Variants in HSF1 observed in about 807,000 individuals in gnomAD.
The protein encoded by HSF1 is heat shock factor protein 1.
Under a neutral mutation model 51.7 loss-of-function variants are expected in HSF1, and 32 were observed. The observed-to-expected ratio is 0.62, with a 90% CI of 0.47 to 0.83. The LOEUF is 0.83. HSF1 is among the 40% of genes least tolerant of loss of function. HSF1 has a pLI of 0.00. For synonymous variants in HSF1, 396 were observed against 309.7 expected, an observed-to-expected ratio of 1.28 and a Z score of -2.92; for missense variants, 727 against 717.0, an observed-to-expected ratio of 1.01 and a Z score of -0.16.
At position 144,314,338 on chromosome 8, in the gene HSF1, G is replaced by A. The variant is rs574270433; in HGVS notation, c.*8G>A. ...GACCCCACTGTCTCCTAGAGGCCCCGGAGGAGCTGGGCCAGCCGCCCACCC... is the reference window on the plus strand; with the variant it reads ...GACCCCACTGTCTCCTAGAGGCCCCAGAGGAGCTGGGCCAGCCGCCCACCC... On this transcript the variant is annotated 3_prime_UTR_variant, in exon 13 of 13. Transcript: ENST00000528838. The A allele has an allele frequency of 1.5e-5, 23 of 1,543,108 alleles. No homozygotes were observed. Among genetic ancestry groups the A allele is most frequent in the East Asian group, 2.5e-5 (1 of 40,682 alleles).
At chr8:144,302,720 G>A (rs1241751405) in intron 1 of HSF1, among the ~76,000 whole-genome samples, 1 of 151,742 alleles carries the variant, frequency 6.6e-6, no homozygotes, top group African/African-American at 2.4e-5. Context: ...TACGCGGGAG[G>A]CTGAGGTGGG....
At position 144,314,068 on chromosome 8, in the gene HSF1, C is replaced by CA; in HGVS notation, c.1384+15dup. The CA allele has an allele frequency of 1.9e-6, 3 of 1,605,740 alleles. No individual in the cohort carries two copies. The highest frequency in any genetic ancestry group is 2.5e-6 in the Non-Finnish European group (3 of 1,177,110). Reference sequence around the variant, plus strand: ...GCCCGGATTCAGGTGAGCCAAGTCCCACCGGCCCCACCTCTGCCCCCAACC... The same window carrying CA: ...GCCCGGATTCAGGTGAGCCAAGTCCCAACCGGCCCCACCTCTGCCCCCAACC... On this transcript the variant is annotated intron_variant, in intron 12 of 12. Transcript: ENST00000528838.
chr8:144,301,427 TG>T (rs1257792976), intron 1 of HSF1, among the ~76,000 whole-genome samples: 1 of 151,660 alleles, frequency 6.6e-6, no homozygotes, highest in East Asian at 1.9e-4. Context: ...AAAAAAATTA[TG>T]GCCAAAATTT....
intron 11 of HSF1, 30 bp from the exon 12 acceptor site, chr8:144,313,955 A>AGT (rs1319699771): frequency 7.5e-6 from 12 of 1,609,788 alleles, no homozygotes; most frequent in Non-Finnish European, 1.0e-5. Context: ...GACCAGCGGG[A>AGT]GTGCTCACAA....
intron 1 of HSF1, among the ~76,000 whole-genome samples, chr8:144,295,154 A>G (rs1554841095): frequency 6.6e-6 from 1 of 152,174 alleles, no homozygotes; most frequent in East Asian, 1.9e-4. Context: ...TCCTCTGTCC[A>G]CCAGCAGAGG....
In HSF1 at chr8:144,313,975, C is replaced by A. The variant is rs782562836; in HGVS notation, c.1315-10C>A. 5 of 1,611,068 alleles carry A rather than the reference C, an allele frequency of 3.1e-6. No homozygotes were observed. The highest frequency in any genetic ancestry group is 4.2e-6 in the Non-Finnish European group (5 of 1,179,416). On this transcript the variant is annotated splice_polypyrimidine_tract_variant and intron_variant, in intron 11 of 12. Coordinates refer to ENST00000528838, the MANE Select transcript of HSF1 (RefSeq NM_005526.4). ...GCGGGAGTGCTCACAATACCGTCTC[C>A]ACCCCACAGATCCAAGAGCTCCTGT...
rs186977343 is a variant in HSF1, at chr8:144,314,669, G to C, written c.*339G>C. 3.1e-6 allele frequency: 1 copy of C among 319,714 alleles called. No homozygotes were observed. Among genetic ancestry groups the C allele is most frequent in the Non-Finnish European group, 5.9e-6 (1 of 168,720 alleles). 19.8% of individuals were successfully genotyped at this position (319,714 alleles called of 1,614,324 possible). ...AGAGATACACAGATATATACACACA[G>C]TGGATGGACGGACAAGACAGGCAGA... On this transcript the variant is annotated 3_prime_UTR_variant, in exon 13 of 13. Coordinates refer to ENST00000528838, the MANE Select transcript of HSF1 (RefSeq NM_005526.4).
At chr8:144,304,118 C>T (rs1252145540) in intron 1 of HSF1, among the ~76,000 whole-genome samples, 2 of 139,620 alleles carry the variant, frequency 1.4e-5, no homozygotes, top group African/African-American at 2.7e-5. Flanking sequence ...CCCATGAGAT[C>T]CAGGAAACCT....
intron 1 of HSF1, chr8:144,292,615 G>C (rs1554840573): frequency 1.3e-5 from 2 of 152,256 alleles, no homozygotes; most frequent in Non-Finnish European, 2.9e-5. Flanking sequence ...GTGACGTCGT[G>C]TCCGGTGAGG....
intron 3 of HSF1, 90 bp from the exon 4 acceptor site, chr8:144,309,682 C>T (rs557457571): frequency 1.9e-6 from 3 of 1,598,790 alleles, no homozygotes; most frequent in East Asian, 4.5e-5. Flanking sequence ...CAGCCTGCCC[C>T]TTCCTGAGGG....
chr8:144,306,768 G>A (rs1267977496), intron 1 of HSF1, among the ~76,000 whole-genome samples: 1 of 152,220 alleles, frequency 6.6e-6, no homozygotes, highest in Non-Finnish European at 1.5e-5. Flanking sequence ...TATCTGTCAG[G>A]TAGCTTTTCG....
Position 144,297,475 on chromosome 8 carries a change from G to A in HSF1, c.117+5601G>A, listed in dbSNP as rs1393151952. On this transcript the variant is annotated intron_variant, in intron 1 of 12. Coordinates refer to ENST00000528838, the MANE Select transcript of HSF1 (RefSeq NM_005526.4). The surrounding 1 kb of genome is among the most constrained non-coding windows in gnomAD (Gnocchi z 4.6). ...AACACGCTGGAAGCTCCTCCAGAGC[G>A]GAAACAAGAAGAGTGTTTATGAGAA... Among the ~76,000 whole-genome samples, 1 of 152,184 alleles carries A rather than the reference G, an allele frequency of 6.6e-6. No individual in the cohort carries two copies. The highest frequency in any genetic ancestry group is 1.5e-5 in the Non-Finnish European group (1 of 68,036).
intron 4 of HSF1, 112 bp downstream of exon 4, chr8:144,310,008 C>T (rs985753496): frequency 7.7e-7 from 1 of 1,295,116 alleles, no homozygotes; most frequent in East Asian, 2.4e-5. Context: ...GCTCCACCCT[C>T]CCGCTCCACG....
At position 144,301,822 on chromosome 8, in the gene HSF1, A is replaced by C. The variant is rs1043970418; in HGVS notation, c.118-7084A>C. The stretch of plus-strand genomic sequence containing the variant: ...AGAGCTTGCAGTGAGCCGAGATCGC[A>C]CCACTGCACTCCAGCCTGGGCGACA... On this transcript the variant is annotated intron_variant, in intron 1 of 12. Transcript: ENST00000528838. Among the ~76,000 whole-genome samples the C allele has an allele frequency of 2.0e-5, 3 of 151,562 alleles. No homozygotes were observed. The East Asian group carries it at 5.9e-4, about 30-fold the overall frequency.
In HSF1 at chr8:144,309,258, G is replaced by A. The variant is rs1332407980; in HGVS notation, c.227-197G>A. 38 of 714,864 alleles carry A rather than the reference G, an allele frequency of 5.3e-5. No individual in the cohort carries two copies. In the South Asian group the frequency reaches 6.0e-4, roughly 11 times the overall value. 44.3% of individuals were successfully genotyped at this position (714,864 alleles called of 1,614,324 possible). ...GCCGGAGCTGTACTCCACGTGTGTC[G>A]GGCGCAGGGAGCCCTGTGGGGACAC... On this transcript the variant is annotated intron_variant, in intron 2 of 12. Coordinates refer to ENST00000528838, the MANE Select transcript of HSF1 (RefSeq NM_005526.4).
At chr8:144,300,734 C>T (rs1165865829) in intron 1 of HSF1, among the ~76,000 whole-genome samples, 1 of 152,182 alleles carries the variant, frequency 6.6e-6, no homozygotes, top group Non-Finnish European at 1.5e-5. Flanking sequence ...GATGTGACAA[C>T]TGGATGGATT....
chr8:144,308,992 C>T lies in HSF1; in HGVS notation c.204C>T (p.Ser68=). 1.2e-6 allele frequency: 2 copies of T among 1,613,864 alleles called. No homozygotes were observed. Among genetic ancestry groups the T allele is most frequent in the Non-Finnish European group, 1.7e-6 (2 of 1,179,728 alleles). ...ACTTCAAGCACAACAACATGGCCAGCTTCGTGCGGCAGCTCAACATGTGTG... is the reference window on the plus strand; with the variant it reads ...ACTTCAAGCACAACAACATGGCCAGTTTCGTGCGGCAGCTCAACATGTGTG... The part of the protein sequence containing the change: ...PKYFKHNNMA[S]FVRQLNMYGF... Residue 68 remains serine (S), a synonymous_variant, in exon 2 of 13, where the codon AGC becomes AGT. Transcript: ENST00000528838.
Position 144,311,766 on chromosome 8 carries a change from A to G in HSF1, c.790A>G (p.Ile264Val). 1 of 1,612,728 alleles carries G rather than the reference A, an allele frequency of 6.2e-7. No homozygotes were observed. The highest frequency in any genetic ancestry group is 8.5e-7 in the Non-Finnish European group (1 of 1,179,776). Reference protein sequence around the residue: ...APDAVASSGPIISDITELAPA... With the variant: ...APDAVASSGPVISDITELAPA... ...TGATGCTGTGGCCAGCTCTGGACCC[A>G]TCATCTCCGACATCACCGAGCTGGC... The change falls in exon 8 of 13, where the codon ATC (isoleucine) becomes GTC (valine). Residue 264 changes from isoleucine to valine, a missense_variant. Physicochemically the swap from Ile to Val is conservative, Grantham distance 29. This residue lies in a region of HSF1 where 470 missense variants were observed against 398.8 expected (regional missense o/e 1.18). Transcript: ENST00000528838.
intron 10 of HSF1, 30 bp from the exon 11 acceptor site, chr8:144,313,816 G>T (rs375300585): frequency 2.2e-6 from 3 of 1,360,112 alleles, no homozygotes; most frequent in Non-Finnish European, 2.9e-6. Flanking sequence ...GCCCCCGGGT[G>T]CTGTTCTGAC....
Sources: gnomAD v4.1 joint callset for allele counts (sites outside exome capture counted in the v4.1 genomes callset) on GRCh38, gnomAD v4.1.1 for gene constraint, gnomAD v4.1.1 regional missense constraint, Gnocchi (gnomAD v3.1) non-coding constraint, MANE v1.5 for transcripts, NCBI Gene and HGNC (gene_info 2026-07-23, HGNC 2026-07-21) for gene names.